SLC35F1: variants seen among roughly 807,000 people sequenced by gnomAD.
The protein encoded by SLC35F1 is chromosome 6 open reading frame 169.
A neutral mutation model predicts 48.7 loss-of-function variants in SLC35F1; 14 were observed. That is an observed-to-expected ratio of 0.29 (90% CI 0.19 to 0.45). The LOEUF is 0.45. Among genes scored for constraint, SLC35F1 ranks in the 20% least tolerant of loss-of-function variants. The pLI, the probability that SLC35F1 is intolerant of heterozygous loss-of-function variation, is 1.00. For synonymous variants in SLC35F1, 190 were observed against 202.2 expected (o/e 0.94, Z 0.51); for missense variants, 404 against 500.0 (o/e 0.81, Z 1.83).
chr6:117,939,150 TCAC>T (rs1388793767), intron 1 of SLC35F1, among the ~76,000 whole-genome samples: 1 of 151,926 alleles, frequency 6.6e-6, no homozygotes, highest in Non-Finnish European at 1.5e-5. Flanking sequence ...CAGGCACGCA[TCAC>T]CACAACTGGC....
At chr6:118,052,425 A>G (rs1313052917) in intron 1 of SLC35F1, among the ~76,000 whole-genome samples, 1 of 152,214 alleles carries the variant, frequency 6.6e-6, no homozygotes, top group Non-Finnish European at 1.5e-5. Flanking sequence ...AAATAAGTGC[A>G]GTACCTAGTT....
At chr6:118,013,385 AT>A (rs1447291441) in intron 1 of SLC35F1, among the ~76,000 whole-genome samples, 3 of 152,134 alleles carry the variant, frequency 2.0e-5, no homozygotes, top group South Asian at 4.1e-4. Flanking sequence ...AGATGTCATA[AT>A]TTCTATTTAG....
chr6:118,300,143 A>G (rs1389466085), intron 7 of SLC35F1, among the ~76,000 whole-genome samples: 2 of 152,194 alleles, frequency 1.3e-5, no homozygotes, highest in Non-Finnish European at 2.9e-5. Context: ...AAAAAATTAC[A>G]TCTGTACTGA....
At chr6:117,925,620 T>C (rs1447373677) in intron 1 of SLC35F1, among the ~76,000 whole-genome samples, 1 of 152,164 alleles carries the variant, frequency 6.6e-6, no homozygotes, top group Non-Finnish European at 1.5e-5. Context: ...TACACCTCTT[T>C]TACTCTGGCC....
chr6:118,067,627 C>G (rs1772635097), intron 1 of SLC35F1, among the ~76,000 whole-genome samples: 1 of 152,084 alleles, frequency 6.6e-6, no homozygotes, highest in Non-Finnish European at 1.5e-5. Context: ...GATGAAAATT[C>G]AGATGGAATA....
At chr6:118,048,564 C>T (rs1327371859) in intron 1 of SLC35F1, among the ~76,000 whole-genome samples, 8 of 152,012 alleles carry the variant, frequency 5.3e-5, no homozygotes, top group Admixed American at 5.2e-4. Context: ...TCTTATACAC[C>T]AATAACAGAC....
chr6:118,021,517 C>CA (rs746755007), intron 1 of SLC35F1, among the ~76,000 whole-genome samples: 1 of 152,136 alleles, frequency 6.6e-6, no homozygotes, highest in Admixed American at 6.5e-5. Context: ...TCACAGTGAA[C>CA]AGCTACATAG....
At chr6:118,008,568 G>T (rs1477145170) in intron 1 of SLC35F1, among the ~76,000 whole-genome samples, 2 of 152,330 alleles carry the variant, frequency 1.3e-5, no homozygotes. Context: ...GACGGTCCAT[G>T]GGCCTGACCT....
At chr6:118,201,759 A>G (rs1445489350) in intron 2 of SLC35F1, among the ~76,000 whole-genome samples, 1 of 152,234 alleles carries the variant, frequency 6.6e-6, no homozygotes, top group Non-Finnish European at 1.5e-5. Context: ...CCCCATTGGT[A>G]TGACTAGCAG....
At chr6:117,971,360 G>C (rs143928261) in intron 1 of SLC35F1, among the ~76,000 whole-genome samples, 2,290 of 152,344 alleles carry the variant, frequency 0.015, 74 homozygotes, top group African/African-American at 0.052. Flanking sequence ...CCCCCTCCCA[G>C]CTGCTTTCAC....
rs1013603756 is a variant in SLC35F1 at position 118,206,757 on chromosome 6, A to G, written c.350-28752A>G. On this transcript the variant is annotated intron_variant, in intron 2 of 7. Coordinates refer to ENST00000360388, the MANE Select transcript of SLC35F1 (RefSeq NM_001029858.4). ...AGGCCATCTTGTTACCAAACCAAAT[A>G]TCTTCTGTCCATCACAGGGAACCAA... Among the ~76,000 whole-genome samples, 4 of 152,154 alleles carry G rather than the reference A, an allele frequency of 2.6e-5. No homozygotes were observed. The East Asian group carries it at 5.8e-4, about 22-fold the overall frequency.
intron 7 of SLC35F1, among the ~76,000 whole-genome samples, chr6:118,291,265 ACACACACAC>A: frequency 6.6e-6 from 1 of 151,832 alleles, no homozygotes; most frequent in South Asian, 2.1e-4. Context: ...ACACACACAC[ACACACACAC>A]ACACACACAC....
At chr6:118,020,300 G>A (rs553631988) in intron 1 of SLC35F1, among the ~76,000 whole-genome samples, 2 of 152,108 alleles carry the variant, frequency 1.3e-5, no homozygotes, top group Non-Finnish European at 2.9e-5. Context: ...CCCTTTCTCA[G>A]AGACACCATT....
intron 1 of SLC35F1, among the ~76,000 whole-genome samples, chr6:117,966,132 C>CCA (rs1776562252): frequency 3.7e-4 from 1 of 2,724 alleles, no homozygotes; most frequent in Non-Finnish European, 1.2e-3. Flanking sequence ...CAGGCCACCG[C>CCA]CCCCCCCCCC....
intron 3 of SLC35F1, among the ~76,000 whole-genome samples, chr6:118,250,928 A>G (rs912981163): frequency 6.6e-6 from 1 of 151,964 alleles, no homozygotes; most frequent in Non-Finnish European, 1.5e-5. Context: ...TCGTGCCACT[A>G]CACTCCAGCA....
intron 3 of SLC35F1, among the ~76,000 whole-genome samples, chr6:118,266,169 A>AATCTGTAC (rs1215154176): frequency 6.6e-6 from 1 of 152,168 alleles, no homozygotes; most frequent in Non-Finnish European, 1.5e-5. Context: ...TGTAAATGAG[A>AATCTGTAC]ATCTGTACTC....
intron 1 of SLC35F1, among the ~76,000 whole-genome samples, chr6:118,122,195 T>C (rs1177322954): frequency 6.6e-6 from 1 of 151,902 alleles, no homozygotes; most frequent in Non-Finnish European, 1.5e-5. Context: ...AATATAAGAA[T>C]ATTTTTACTC....
At chr6:118,253,160 G>A (rs141654148) in intron 3 of SLC35F1, among the ~76,000 whole-genome samples, 101 of 152,196 alleles carry the variant, frequency 6.6e-4, no homozygotes, top group Middle Eastern at 3.4e-3. Flanking sequence ...ACAGTGAGAA[G>A]AGACATTATG....
chr6:118,269,395 T>C (rs544668152), intron 4 of SLC35F1, among the ~76,000 whole-genome samples: 2 of 152,334 alleles, frequency 1.3e-5, no homozygotes, highest in African/African-American at 4.8e-5. Context: ...CCTTCTGTGC[T>C]ATTGAAATGG....
Sources: gnomAD v4.1 joint callset for allele counts (sites outside exome capture counted in the v4.1 genomes callset) on GRCh38, gnomAD v4.1.1 for gene constraint, MANE v1.5 for transcripts, NCBI Gene and HGNC (gene_info 2026-07-23, HGNC 2026-07-21) for gene names.